The following FARS2 variants were observed in gnomAD, a reference collection of about 807,000 sequenced individuals.
The protein encoded by FARS2 is phenylalanine--tRNA ligase, mitochondrial.
FARS2 carries 40 observed loss-of-function variants against 46.4 expected under a neutral mutation model. The observed-to-expected ratio is 0.86, with a 90% confidence interval of 0.67 to 1.12. FARS2 has a LOEUF of 1.12. Ranked by LOEUF, FARS2 falls within the 50% of genes most tolerant of loss-of-function variation. The pLI, the probability that FARS2 is intolerant of heterozygous loss-of-function variation, is 0.00. For synonymous variants in FARS2, 234 were observed against 214.9 expected (o/e 1.09, Z -0.78); for missense variants, 513 against 567.9 (o/e 0.90, Z 0.98).
intron 6 of FARS2, among the ~76,000 whole-genome samples, chr6:5,669,167 G>A (rs1778315370): frequency 6.6e-6 from 1 of 152,182 alleles, no homozygotes; most frequent in South Asian, 2.1e-4. Context: ...TAAGAAAGTA[G>A]TCCTGGAATG....
chr6:5,310,090 A>G (rs1417434657), intron 1 of FARS2, among the ~76,000 whole-genome samples: 2 of 152,202 alleles, frequency 1.3e-5, no homozygotes, highest in Non-Finnish European at 2.9e-5. Context: ...TTAGATTATG[A>G]TAATGATGGT....
At chr6:5,256,430 C>T (rs993965727), upstream of FARS2, among the ~76,000 whole-genome samples, 8 of 120,124 alleles carry the variant, frequency 6.7e-5, no homozygotes, top group Admixed American at 9.1e-4. Context: ...GTGGAGGTTG[C>T]AGTGAGCCAA....
intron 6 of FARS2, among the ~76,000 whole-genome samples, chr6:5,646,411 A>T (rs1049977361): frequency 6.6e-6 from 1 of 152,126 alleles, no homozygotes; most frequent in Non-Finnish European, 1.5e-5. Flanking sequence ...CTGTGCAGTG[A>T]GGGCAGTGGG....
Position 5,365,317 on chromosome 6 carries a change from CTTTTTTTTTTTTTT to C in FARS2, c.-21-3217_-21-3204del, listed in dbSNP as rs61097603. 9.4e-4 allele frequency among the ~76,000 whole-genome samples: 40 copies of C among 42,502 alleles called. No individual in the cohort carries two copies. The East Asian group carries it at 0.011, about 11-fold the overall frequency. 27.9% of individuals were successfully genotyped at this position (42,502 alleles called of 152,430 possible). On this transcript the variant is annotated intron_variant, in intron 1 of 6. Coordinates refer to ENST00000274680, the MANE Select transcript of FARS2 (RefSeq NM_006567.5). ...GACCTTTGATTGAGAAGTATACTTT[CTTTTTTTTTTTTTT>C]TTTTTTTTTTTTTTTAGTGAGGCAG...
chr6:5,285,574 C>T (rs1003267406), intron 1 of FARS2, among the ~76,000 whole-genome samples: 6 of 152,316 alleles, frequency 3.9e-5, no homozygotes, highest in Middle Eastern at 6.8e-3. Flanking sequence ...CGCAGTTATT[C>T]CTTGAATGTA....
chr6:5,729,963 C>A (rs1324896292), intron 6 of FARS2, among the ~76,000 whole-genome samples: 1 of 152,154 alleles, frequency 6.6e-6, no homozygotes, highest in Non-Finnish European at 1.5e-5. Flanking sequence ...CCAGGAGCAG[C>A]CCCCTGACCC....
At chr6:5,441,755 A>G (rs946780481) in intron 4 of FARS2, among the ~76,000 whole-genome samples, 3 of 152,206 alleles carry the variant, frequency 2.0e-5, no homozygotes, top group Non-Finnish European at 4.4e-5. Context: ...TCACTGAGCT[A>G]TGTTTTACCT....
At chr6:5,696,103 C>T (rs1561806910) in intron 6 of FARS2, among the ~76,000 whole-genome samples, 1 of 152,196 alleles carries the variant, frequency 6.6e-6, no homozygotes, top group Non-Finnish European at 1.5e-5. Flanking sequence ...TACCCTCCAT[C>T]TACATTGTCT....
intron 6 of FARS2, among the ~76,000 whole-genome samples, chr6:5,634,081 A>G (rs1281854532): frequency 6.6e-6 from 1 of 152,160 alleles, no homozygotes; most frequent in African/African-American, 2.4e-5. Flanking sequence ...ATCCATCAAA[A>G]GATTATATAA....
At chr6:5,593,896 A>G (rs888231303) in intron 5 of FARS2, among the ~76,000 whole-genome samples, 1 of 152,182 alleles carries the variant, frequency 6.6e-6, no homozygotes, top group Non-Finnish European at 1.5e-5. Flanking sequence ...ATGGCCCCAC[A>G]GGGTAGCAGG....
rs754314537 is a variant in FARS2 at position 5,503,399 on chromosome 6, CACACACAGAGAG to C, written c.905-41779_905-41768del. Among the ~76,000 whole-genome samples the C allele has an allele frequency of 2.8e-3, 267 of 94,870 alleles. 1 individual carries two copies. Among genetic ancestry groups the C allele is most frequent in the Middle Eastern group, 9.6e-3 (2 of 208 alleles). The allele number at this position is 94,870 out of a possible 152,430, so 62.2% of individuals were successfully genotyped here. ...ACACACACACACACACACACACACA[CACACACAGAGAG>C]AGAGAGAGAGAGAGAGAGAGAGATA... On this transcript the variant is annotated intron_variant, in intron 4 of 6. Coordinates refer to ENST00000274680, the MANE Select transcript of FARS2 (RefSeq NM_006567.5).
intron 4 of FARS2, among the ~76,000 whole-genome samples, chr6:5,522,759 A>T (rs1769224097): frequency 6.6e-6 from 1 of 152,270 alleles, no homozygotes; most frequent in African/African-American, 2.4e-5. Flanking sequence ...TAACATTGGA[A>T]AGAAAGGAAT....
At chr6:5,771,086 A>G (rs1763019179) in intron 6 of FARS2, among the ~76,000 whole-genome samples, 1 of 152,224 alleles carries the variant, frequency 6.6e-6, no homozygotes, top group African/African-American at 2.4e-5. Context: ...GGAAACCAGC[A>G]GCCTCCTTTA....
At chr6:5,386,231 A>G (rs1420925019) in intron 2 of FARS2, among the ~76,000 whole-genome samples, 2 of 152,164 alleles carry the variant, frequency 1.3e-5, no homozygotes, top group Non-Finnish European at 2.9e-5. Context: ...AGGTGGTGTG[A>G]GTAGCAGATT....
At chr6:5,364,122 C>CAG (rs1758496190) in intron 1 of FARS2, among the ~76,000 whole-genome samples, 1 of 152,122 alleles carries the variant, frequency 6.6e-6, no homozygotes, top group Non-Finnish European at 1.5e-5. Flanking sequence ...CATCCGTTAC[C>CAG]CGATCTCTAG....
intron 3 of FARS2, among the ~76,000 whole-genome samples, chr6:5,408,102 GCA>G: frequency 6.6e-6 from 1 of 152,236 alleles, no homozygotes; most frequent in Non-Finnish European, 1.5e-5. Flanking sequence ...AGCTGGATTT[GCA>G]CCCTGTTGCA....
intron 5 of FARS2, among the ~76,000 whole-genome samples, chr6:5,546,467 G>A (rs934079398): frequency 1.7e-4 from 25 of 151,422 alleles, no homozygotes; most frequent in African/African-American, 2.9e-4. Flanking sequence ...GGCCAGGCTG[G>A]TCTCAAACTC....
At chr6:5,697,297 G>A (rs1057051601) in intron 6 of FARS2, among the ~76,000 whole-genome samples, 1 of 152,152 alleles carries the variant, frequency 6.6e-6, no homozygotes, top group Admixed American at 6.5e-5. Context: ...TTATATAAGA[G>A]GTGAAGGAAA....
At chr6:5,351,093 A>G (rs776500531) in intron 1 of FARS2, among the ~76,000 whole-genome samples, 28 of 152,220 alleles carry the variant, frequency 1.8e-4, no homozygotes, top group Non-Finnish European at 3.7e-4. Flanking sequence ...GTAAGAATGT[A>G]TAATTTCAGA....
Sources: allele counts gnomAD v4.1 joint callset (sites outside exome capture counted in the v4.1 genomes callset), GRCh38; gene constraint gnomAD v4.1.1; transcripts MANE v1.5; gene names NCBI Gene and HGNC (gene_info 2026-07-23, HGNC 2026-07-21).